Variants in MMP16 observed in about 807,000 individuals in gnomAD.
MMP16 encodes matrix metalloproteinase-16.
A neutral mutation model predicts 67.8 loss-of-function variants in MMP16; 12 were observed. That is an observed-to-expected ratio of 0.18 (90% CI 0.11 to 0.29). The LOEUF is 0.29. Ranked by LOEUF, MMP16 falls within the 10% of genes least tolerant of loss-of-function variation. The pLI is 1.00. For synonymous variants in MMP16, 249 were observed against 255.9 expected (o/e 0.97, Z 0.26); for missense variants, 475 against 765.7 (o/e 0.62, Z 4.48).
intron 6 of MMP16, among the ~76,000 whole-genome samples, chr8:88,093,316 T>C (rs992528275): frequency 6.6e-6 from 1 of 151,906 alleles, no homozygotes; most frequent in African/African-American, 2.4e-5. Flanking sequence ...TTCTTGAGTA[T>C]AATTAATTCA....
At chr8:88,173,439 G>T (rs527724832) in intron 3 of MMP16, among the ~76,000 whole-genome samples, 41 of 152,090 alleles carry the variant, frequency 2.7e-4, no homozygotes, top group African/African-American at 8.9e-4. Context: ...ATCTAATCAG[G>T]TTACAAATAT....
At chr8:88,091,143 A>T (rs1808927673) in intron 6 of MMP16, among the ~76,000 whole-genome samples, 1 of 151,838 alleles carries the variant, frequency 6.6e-6, no homozygotes, top group African/African-American at 2.4e-5. Context: ...TCATATGATT[A>T]AAAAATCAGA....
At chr8:88,239,288 C>A in intron 1 of MMP16, among the ~76,000 whole-genome samples, 1 of 65,712 alleles carries the variant, frequency 1.5e-5, no homozygotes, top group Admixed American at 2.9e-4. Flanking sequence ...GAGACAGACG[C>A]AGTCTCAAAA....
chr8:88,289,835 C>CT (rs542105641), intron 1 of MMP16, among the ~76,000 whole-genome samples: 56 of 152,040 alleles, frequency 3.7e-4, no homozygotes, highest in African/African-American at 1.3e-3. Flanking sequence ...TGTTAGGTAA[C>CT]TTTCCTGTGC....
At chr8:88,313,178 T>A (rs1811323310) in intron 1 of MMP16, among the ~76,000 whole-genome samples, 1 of 152,218 alleles carries the variant, frequency 6.6e-6, no homozygotes, top group Non-Finnish European at 1.5e-5. Flanking sequence ...GAGTTTTGTG[T>A]ACTGATGTTG....
chr8:88,283,010 A>G (rs1013840797), intron 1 of MMP16, among the ~76,000 whole-genome samples: 1 of 151,594 alleles, frequency 6.6e-6, no homozygotes, highest in African/African-American at 2.4e-5. Flanking sequence ...TGGTATTGAT[A>G]TGGACTTTTG....
chr8:88,181,214 G>A (rs1026047422), intron 3 of MMP16, among the ~76,000 whole-genome samples: 3 of 151,894 alleles, frequency 2.0e-5, no homozygotes, highest in African/African-American at 7.2e-5. Flanking sequence ...GAAAAGAAAA[G>A]AGACAGATTA....
At chr8:88,092,883 G>C (rs1354114446) in intron 6 of MMP16, among the ~76,000 whole-genome samples, 1 of 151,800 alleles carries the variant, frequency 6.6e-6, no homozygotes, top group African/African-American at 2.4e-5. Flanking sequence ...TTTAATGGAT[G>C]AGACTGACCA....
intron 7 of MMP16, among the ~76,000 whole-genome samples, chr8:88,064,550 G>T (rs3780075): frequency 1.3e-5 from 2 of 151,916 alleles, no homozygotes; most frequent in Admixed American, 1.3e-4. Context: ...CTTAATGCTC[G>T]CTTGGAATTC....
At chr8:88,093,125 C>T (rs1808966202) in intron 6 of MMP16, among the ~76,000 whole-genome samples, 1 of 151,670 alleles carries the variant, frequency 6.6e-6, no homozygotes, top group African/African-American at 2.4e-5. Context: ...TTAATACTAC[C>T]CAGGGGACTG....
chr8:88,276,630 T>C (rs2129984377), intron 1 of MMP16, among the ~76,000 whole-genome samples: 2 of 152,282 alleles, frequency 1.3e-5, no homozygotes, highest in East Asian at 3.9e-4. Flanking sequence ...AATCTCCTGC[T>C]TCATCAGTCC....
intron 1 of MMP16, among the ~76,000 whole-genome samples, chr8:88,205,867 T>C (rs1230592218): frequency 6.6e-6 from 1 of 152,208 alleles, no homozygotes; most frequent in Admixed American, 6.5e-5. Context: ...AAATAAAAAA[T>C]ACAGCATTCT....
At chr8:88,199,722 T>C (rs1363016919) in intron 1 of MMP16, among the ~76,000 whole-genome samples, 1 of 152,032 alleles carries the variant, frequency 6.6e-6, no homozygotes, top group African/African-American at 2.4e-5. Flanking sequence ...TGAGTATGTA[T>C]GTGTATCTGT....
At chr8:88,086,356 G>A (rs1347451176) in intron 6 of MMP16, among the ~76,000 whole-genome samples, 2 of 151,966 alleles carry the variant, frequency 1.3e-5, no homozygotes, top group Admixed American at 6.6e-5. Flanking sequence ...CTCCTCCTTT[G>A]AGATCTGAAG....
At chr8:88,199,524 A>G (rs2129787112) in intron 1 of MMP16, among the ~76,000 whole-genome samples, 1 of 151,602 alleles carries the variant, frequency 6.6e-6, no homozygotes, top group East Asian at 1.9e-4. Context: ...TAGGAAGCAA[A>G]CCTTCCTTCC....
At chr8:88,272,130 G>T (rs181795348) in intron 1 of MMP16, among the ~76,000 whole-genome samples, 3 of 152,126 alleles carry the variant, frequency 2.0e-5, no homozygotes, top group Non-Finnish European at 4.4e-5. Context: ...ATGTGCATGC[G>T]AGTGTGTACA....
chr8:88,060,776 G>C (rs1247896670), intron 7 of MMP16, among the ~76,000 whole-genome samples: 1 of 152,018 alleles, frequency 6.6e-6, no homozygotes, highest in East Asian at 1.9e-4. Context: ...CATTATTTTC[G>C]TGTAGCACCT....
chr8:88,125,230 G>T (rs1807907692), intron 4 of MMP16, among the ~76,000 whole-genome samples: 1 of 147,778 alleles, frequency 6.8e-6, no homozygotes, highest in Non-Finnish European at 1.5e-5. Context: ...AAACAGTATT[G>T]CTACAATTAG....
intron 7 of MMP16, among the ~76,000 whole-genome samples, chr8:88,073,676 C>A (rs1304827618): frequency 1.3e-5 from 2 of 152,108 alleles, no homozygotes; most frequent in Non-Finnish European, 2.9e-5. Flanking sequence ...TTCCCAAATT[C>A]CATGTTTTCA....
Sources: allele counts gnomAD v4.1 joint callset (sites outside exome capture counted in the v4.1 genomes callset), GRCh38; gene constraint gnomAD v4.1.1; transcripts MANE v1.5; gene names NCBI Gene and HGNC (gene_info 2026-07-23, HGNC 2026-07-21).